GUK1: variants seen among roughly 807,000 people sequenced by gnomAD.
GUK1 encodes the protein guanylate kinase 1, also known as guanylate kinase.
GUK1 carries 18 observed loss-of-function variants against 25.2 expected under a neutral mutation model. The ratio of observed to expected loss-of-function variants is 0.71; its 90% CI spans 0.49 to 1.06. The LOEUF is 1.06. GUK1 is among the 50% of genes least tolerant of loss of function. The pLI, the probability that GUK1 is intolerant of heterozygous loss-of-function variation, is 0.00. For synonymous variants in GUK1, 105 were observed against 117.6 expected, an observed-to-expected ratio of 0.89 and a Z score of 0.69; for missense variants, 261 against 276.7, an observed-to-expected ratio of 0.94 and a Z score of 0.40.
intron 1 of GUK1, chr1:228,141,032 G>T: frequency 2.3e-6 from 1 of 440,526 alleles, no homozygotes; most frequent in Non-Finnish European, 3.0e-6. Context: ...GGTGGGCCTC[G>T]GTTTCGTCTT....
Position 228,147,553 on chromosome 1 carries a change from T to C in GUK1, c.390+9T>C. The stretch of plus-strand genomic sequence containing the variant: ...CTTCACTGCACGTGCTGGTGTGTGC[T>C]GGGCAGGGTTGGGGGCTGGGGGCCA... On this transcript the variant is annotated intron_variant, in intron 6 of 8. Transcript: ENST00000312726. 1 of 1,613,086 alleles carries C rather than the reference T, an allele frequency of 6.2e-7. No homozygotes were observed. The highest frequency in any genetic ancestry group is 8.5e-7 in the Non-Finnish European group (1 of 1,179,788).
intron 1 of GUK1, 34 bp downstream of exon 1, chr1:228,140,397 C>T: frequency 1.4e-6 from 2 of 1,430,304 alleles, no homozygotes; most frequent in East Asian, 2.6e-5. Flanking sequence ...GAGGGTGACT[C>T]GGGTCGAGGC....
At chr1:228,145,802 G>A (rs1352212773) in intron 3 of GUK1, 178 bp downstream of exon 2, 4 of 776,648 alleles carry the variant, frequency 5.2e-6, no homozygotes, top group Non-Finnish European at 6.3e-6. Flanking sequence ...GCTGTCCTGC[G>A]TGCCTGTGTC....
chr1:228,142,542 G>A (rs1007673393), intron 2 of GUK1, among the ~76,000 whole-genome samples: 3 of 152,090 alleles, frequency 2.0e-5, no homozygotes, highest in Non-Finnish European at 4.4e-5. Flanking sequence ...TAAGGGTGGT[G>A]CAGGGGCAAC....
At chr1:228,146,561 G>T in intron 4 of GUK1, 2 of 486,434 alleles carry the variant, frequency 4.1e-6, no homozygotes, top group Non-Finnish European at 7.5e-6. Flanking sequence ...AGAACCTGTT[G>T]GTCTCCAGTC....
intron 4 of GUK1, chr1:228,146,387 A>G (rs4653534): frequency 0.98 from 469,351 of 480,412 alleles, 230,119 homozygotes; most frequent in East Asian, 1. Flanking sequence ...TGTCTTCTGG[A>G]GTCCTGGTAA....
In GUK1 at chr1:228,143,306, G is replaced by C. The variant is rs531503318; in HGVS notation, c.-3+2018G>C. Reference sequence around the variant, plus strand: ...GACCTTAAGAAGGGCCAGCTCAGTGGAGCAACAGGACAGAAGCTCACATGG... The same window carrying C: ...GACCTTAAGAAGGGCCAGCTCAGTGCAGCAACAGGACAGAAGCTCACATGG... On this transcript the variant is annotated intron_variant, in intron 2 of 8. Transcript: ENST00000312726. 2.8e-4 allele frequency among the ~76,000 whole-genome samples: 43 copies of C among 152,344 alleles called. 1 individual carries two copies. In the South Asian group the frequency reaches 8.9e-3, roughly 32 times the overall value.
At chr1:228,143,516 C>T (rs964898895) in intron 2 of GUK1, among the ~76,000 whole-genome samples, 4 of 152,214 alleles carry the variant, frequency 2.6e-5, no homozygotes, top group African/African-American at 4.8e-5. Context: ...GAGAACTGTA[C>T]CCCTTCCACC....
Position 228,140,323 on chromosome 1 carries a change from C to CG in GUK1, c.-205dup. On this transcript the variant is annotated 5_prime_UTR_variant, in exon 1 of 9. Coordinates refer to ENST00000312726, the MANE Select transcript of GUK1 (RefSeq NM_000858.7). Reference sequence around the variant, plus strand: ...CCCGGATGCTGCGGCGCCCGCTGGCCGGGCTGGCTGCGGCCGCCCTGGGCC... The same window carrying CG: ...CCCGGATGCTGCGGCGCCCGCTGGCCGGGGCTGGCTGCGGCCGCCCTGGGCC... 1 of 1,529,306 alleles carries CG rather than the reference C, an allele frequency of 6.5e-7. No homozygotes were observed. The highest frequency in any genetic ancestry group is 8.7e-7 in the Non-Finnish European group (1 of 1,144,466). 94.7% of individuals were successfully genotyped at this position (1,529,306 alleles called of 1,614,324 possible).
intron 2 of GUK1, among the ~76,000 whole-genome samples, chr1:228,143,984 T>C (rs1388439169): frequency 6.6e-6 from 1 of 152,084 alleles, no homozygotes; most frequent in African/African-American, 2.4e-5. Context: ...TCCGGTGTGT[T>C]TGTGATCAAT....
At chr1:228,146,814 C>T in intron 4 of GUK1, 28 bp from the exon 4 acceptor site, 2 of 1,482,238 alleles carry the variant, frequency 1.3e-6, no homozygotes, top group Non-Finnish European at 1.9e-6. Context: ...TCCAGTCTGC[C>T]CTCTGGATGG....
At chr1:228,143,974 T>C (rs1571887626) in intron 2 of GUK1, among the ~76,000 whole-genome samples, 5 of 152,004 alleles carry the variant, frequency 3.3e-5, no homozygotes, top group Admixed American at 3.3e-4. Flanking sequence ...TAACTGGGGG[T>C]CCGGTGTGTT....
intron 5 of GUK1, 129 bp downstream of exon 4, chr1:228,147,067 C>T: frequency 1.4e-6 from 1 of 721,060 alleles, no homozygotes; most frequent in South Asian, 1.6e-5. Flanking sequence ...AGGTTGTGGC[C>T]CAGGGCCAGG....
chr1:228,140,668 C>G (rs1268216483), intron 1 of GUK1, among the ~76,000 whole-genome samples: 1 of 152,252 alleles, frequency 6.6e-6, no homozygotes, highest in African/African-American at 2.4e-5. Flanking sequence ...CACCTGGGCG[C>G]GCCGCCAAAG....
intron 5 of GUK1, 26 bp downstream of exon 4, chr1:228,146,964 G>T: frequency 6.7e-7 from 1 of 1,493,318 alleles, no homozygotes; most frequent in Non-Finnish European, 9.3e-7. Context: ...GTGTGGGTGG[G>T]CTCCCAGGGT....
chr1:228,147,380 C>T (rs371774092), intron 5 of GUK1, 26 bp from the exon 5 acceptor site: 59 of 1,601,176 alleles, frequency 3.7e-5, no homozygotes, highest in Non-Finnish European at 4.6e-5. Context: ...CCCTGGCACC[C>T]CTGCTGACCT....
At chr1:228,146,682 C>T (rs536867934) in intron 4 of GUK1, 160 bp from the exon 4 acceptor site, 14 of 637,018 alleles carry the variant, frequency 2.2e-5, no homozygotes, top group South Asian at 2.1e-4. Flanking sequence ...CTTGGCAGCA[C>T]TTGAGGGGTC....
At chr1:228,145,738 G>A (rs377755779) in intron 3 of GUK1, 114 bp downstream of exon 2, 8 of 1,298,354 alleles carry the variant, frequency 6.2e-6, no homozygotes, top group Non-Finnish European at 6.4e-6. Flanking sequence ...CCTGCAGACT[G>A]TCCGAACTCT....
At chr1:228,142,822 G>A (rs1571884593) in intron 2 of GUK1, among the ~76,000 whole-genome samples, 1 of 152,242 alleles carries the variant, frequency 6.6e-6, no homozygotes, top group East Asian at 1.9e-4. Context: ...GGAGGGGATG[G>A]AGACCAGGGT....
Sources: allele counts gnomAD v4.1 joint callset (sites outside exome capture counted in the v4.1 genomes callset), GRCh38; gene constraint gnomAD v4.1.1; transcripts MANE v1.5; gene names NCBI Gene and HGNC (gene_info 2026-07-23, HGNC 2026-07-21).